SLC38A9: variants seen among roughly 807,000 people sequenced by gnomAD.
SLC38A9 encodes the protein solute carrier family 38 member 9.
In SLC38A9, 48 loss-of-function variants were observed where a neutral mutation model predicts 62.3. The ratio of observed to expected loss-of-function variants is 0.77; its 90% CI spans 0.61 to 0.98. The LOEUF (loss-of-function observed/expected upper bound fraction) is 0.98. Ranked by LOEUF, SLC38A9 falls within the 50% of genes least tolerant of loss-of-function variation. The pLI is 0.00. For missense variants in SLC38A9, 541 were observed against 679.8 expected (o/e 0.80, Z 2.27); for synonymous variants, 204 against 227.7 (o/e 0.90, Z 0.94).
chr5:55,649,231 T>C lies in SLC38A9; in HGVS notation c.1036A>G (p.Ile346Val), dbSNP rs765362617. 1.9e-6 allele frequency: 3 copies of C among 1,606,616 alleles called. No individual in the cohort carries two copies. The highest frequency in any genetic ancestry group is 1.1e-5 in the South Asian group (1 of 89,010). The change falls in exon 11 of 16, where the codon ATA becomes GTA. Residue 346 changes from isoleucine to valine, a missense_variant. Transcript: ENST00000396865. ...CCTGGTACAAAAAATTCTGTTGGTA[T>C]AAACCAATGAAATTCCAAATGAAAT... ...LGFHLEFHWF[I>V]PTEFFVPEIR...
At chr5:55,711,018 C>T (rs1269575482) in intron 2 of SLC38A9, among the ~76,000 whole-genome samples, 1 of 151,910 alleles carries the variant, frequency 6.6e-6, no homozygotes, top group African/African-American at 2.4e-5. Flanking sequence ...AGAGGCTGGG[C>T]GCAGTGGCCC....
At chr5:55,680,280 C>T (rs1267940203) in intron 3 of SLC38A9, among the ~76,000 whole-genome samples, 6 of 151,972 alleles carry the variant, frequency 3.9e-5, no homozygotes, top group Non-Finnish European at 8.8e-5. Context: ...GTGATGCAAA[C>T]GAAACACATC....
At chr5:55,635,738 A>C in intron 12 of SLC38A9, 81 bp from the exon 13 acceptor site, 1 of 856,274 alleles carries the variant, frequency 1.2e-6, no homozygotes, top group East Asian at 2.6e-5. Flanking sequence ...AGACTAACAA[A>C]TAAATATAAA....
intron 3 of SLC38A9, among the ~76,000 whole-genome samples, chr5:55,690,762 G>A (rs1297975734): frequency 6.6e-6 from 1 of 152,112 alleles, no homozygotes; most frequent in Non-Finnish European, 1.5e-5. Context: ...CATTGTACTA[G>A]ATTCCCCAAA....
intron 4 of SLC38A9, among the ~76,000 whole-genome samples, chr5:55,672,196 ACAGCTT>A (rs1297767328): frequency 6.6e-6 from 1 of 152,130 alleles, no homozygotes; most frequent in Non-Finnish European, 1.5e-5. Context: ...TATTTCCCTT[ACAGCTT>A]CAAAGTTAAA....
intron 12 of SLC38A9, among the ~76,000 whole-genome samples, chr5:55,641,873 C>G (rs984259149): frequency 6.6e-6 from 1 of 152,212 alleles, no homozygotes; most frequent in Non-Finnish European, 1.5e-5. Flanking sequence ...TACTACTTTA[C>G]AAGTACTAAT....
chr5:55,684,269 C>A (rs1285153965), intron 3 of SLC38A9, among the ~76,000 whole-genome samples: 1 of 152,152 alleles, frequency 6.6e-6, no homozygotes, highest in Non-Finnish European at 1.5e-5. Context: ...AATTTCCAAT[C>A]ATCTTGTCCT....
chr5:55,639,598 T>C (rs552079440), intron 12 of SLC38A9, among the ~76,000 whole-genome samples: 2 of 152,322 alleles, frequency 1.3e-5, no homozygotes, highest in Non-Finnish European at 2.9e-5. Context: ...TTTCTGACTT[T>C]AATCTCAAGA....
intron 3 of SLC38A9, among the ~76,000 whole-genome samples, chr5:55,689,368 C>T (rs1052579918): frequency 1.3e-5 from 2 of 152,140 alleles, no homozygotes; most frequent in Admixed American, 6.5e-5. Flanking sequence ...AATTTTCACA[C>T]CAATTCCTTA....
At chr5:55,673,609 T>A (rs1308726718) in intron 3 of SLC38A9, among the ~76,000 whole-genome samples, 1 of 90,604 alleles carries the variant, frequency 1.1e-5, no homozygotes, top group Non-Finnish European at 2.7e-5. Flanking sequence ...AATCCAGATT[T>A]ATCATTGGTT....
intron 2 of SLC38A9, among the ~76,000 whole-genome samples, chr5:55,701,169 T>C (rs1756599837): frequency 6.6e-6 from 1 of 152,194 alleles, no homozygotes; most frequent in African/African-American, 2.4e-5. Flanking sequence ...CATTTTTCCA[T>C]CATTGTAGAA....
At chr5:55,646,645 TG>T (rs1746414508) in intron 11 of SLC38A9, among the ~76,000 whole-genome samples, 1 of 152,196 alleles carries the variant, frequency 6.6e-6, no homozygotes, top group African/African-American at 2.4e-5. Context: ...TTCATTAAAT[TG>T]AGATACAGTT....
At chr5:55,642,547 A>C (rs1745614311) in intron 12 of SLC38A9, among the ~76,000 whole-genome samples, 1 of 152,192 alleles carries the variant, frequency 6.6e-6, no homozygotes, top group Non-Finnish European at 1.5e-5. Context: ...CCAATACATG[A>C]GAATTCTACT....
chr5:55,680,736 GCAGA>G (rs1752881905), intron 3 of SLC38A9, among the ~76,000 whole-genome samples: 1 of 152,182 alleles, frequency 6.6e-6, no homozygotes, highest in African/African-American at 2.4e-5. Flanking sequence ...CTCAAGAAAG[GCAGA>G]CAGACAAAGA....
intron 3 of SLC38A9, among the ~76,000 whole-genome samples, chr5:55,687,873 A>G (rs954060694): frequency 6.6e-6 from 1 of 151,618 alleles, no homozygotes; most frequent in African/African-American, 2.4e-5. Context: ...AATTTTTTGT[A>G]TTTTTAGTAG....
At chr5:55,682,066 TCTC>T (rs60197683) in intron 3 of SLC38A9, among the ~76,000 whole-genome samples, 90,869 of 151,574 alleles carry the variant, frequency 0.6, 27,796 homozygotes, top group South Asian at 0.7. Context: ...AGTCTTCCAC[TCTC>T]CTCCTTGACG....
intron 14 of SLC38A9, among the ~76,000 whole-genome samples, chr5:55,628,469 A>G (rs1201677296): frequency 5.9e-5 from 9 of 152,206 alleles, no homozygotes. Flanking sequence ...TTCACTACAC[A>G]AGAAAACCCC....
At chr5:55,672,432 T>C in intron 4 of SLC38A9, 131 bp downstream of exon 4, 1 of 999,006 alleles carries the variant, frequency 1.0e-6, no homozygotes, top group Admixed American at 2.5e-5. Flanking sequence ...ATTACTATCT[T>C]TGACTTTGCA....
intron 11 of SLC38A9, among the ~76,000 whole-genome samples, chr5:55,648,372 CACTTTTTT>C (rs1274952151): frequency 1.3e-5 from 2 of 152,126 alleles, no homozygotes; most frequent in African/African-American, 4.8e-5. Context: ...GTGGAAAATA[CACTTTTTT>C]AAAGAACATA....
Sources: gnomAD v4.1 joint callset for allele counts (sites outside exome capture counted in the v4.1 genomes callset) on GRCh38, gnomAD v4.1.1 for gene constraint, MANE v1.5 for transcripts, NCBI Gene and HGNC (gene_info 2026-07-23, HGNC 2026-07-21) for gene names.